The following DGLUCY variants were observed in gnomAD, a reference collection of about 807,000 sequenced individuals.
DGLUCY encodes the protein D-glutamate cyclase, mitochondrial.
DGLUCY carries 58 observed loss-of-function variants against 58.5 expected under a neutral mutation model. That is an observed-to-expected ratio of 0.99 (90% CI 0.80 to 1.23). DGLUCY has a LOEUF of 1.23. Ranked by LOEUF, DGLUCY falls within the 50% of genes most tolerant of loss-of-function variation. The pLI is 0.00. For synonymous variants in DGLUCY, 325 were observed against 314.1 expected (o/e 1.03, Z -0.37); for missense variants, 779 against 784.7 (o/e 0.99, Z 0.09).
At chr14:91,074,294 CAA>C (rs55872945) in intron 1 of DGLUCY, among the ~76,000 whole-genome samples, 2,625 of 103,156 alleles carry the variant, frequency 0.025, 72 homozygotes, top group African/African-American at 0.076. Flanking sequence ...TACCCTGTCT[CAA>C]AAAAAAAAAA....
intron 11 of DGLUCY, among the ~76,000 whole-genome samples, chr14:91,201,471 G>C (rs2050557727): frequency 6.6e-6 from 1 of 151,996 alleles, no homozygotes; most frequent in South Asian, 2.1e-4. Flanking sequence ...GCTAATTTTT[G>C]TATTTTTAGT....
At chr14:91,131,160 G>A (rs952373604) in intron 1 of DGLUCY, among the ~76,000 whole-genome samples, 4 of 152,168 alleles carry the variant, frequency 2.6e-5, no homozygotes, top group African/African-American at 9.7e-5. Flanking sequence ...ATGTTGGCCA[G>A]GCTGGTCTGG....
At chr14:91,224,069 G>A (rs1449718067) in intron 13 of DGLUCY, among the ~76,000 whole-genome samples, 1 of 152,206 alleles carries the variant, frequency 6.6e-6, no homozygotes, top group Non-Finnish European at 1.5e-5. Flanking sequence ...GGCAACAGCA[G>A]CAGGATTTGA....
intron 9 of DGLUCY, 135 bp from the exon 10 acceptor site, chr14:91,196,240 C>G: frequency 2.9e-6 from 2 of 680,802 alleles, no homozygotes; most frequent in Non-Finnish European, 5.1e-6. Flanking sequence ...CCTCGGCTTA[C>G]CTAACATGTT....
At chr14:91,061,766 T>C (rs1235664174) in intron 1 of DGLUCY, among the ~76,000 whole-genome samples, 1 of 151,950 alleles carries the variant, frequency 6.6e-6, no homozygotes, top group East Asian at 1.9e-4. Flanking sequence ...CAAGGTGAGG[T>C]GTGGTAAGAT....
At chr14:91,165,898 T>C (rs1373866534) in intron 3 of DGLUCY, among the ~76,000 whole-genome samples, 1 of 152,224 alleles carries the variant, frequency 6.6e-6, no homozygotes, top group East Asian at 1.9e-4. Flanking sequence ...CATTAAAATG[T>C]TCATGGCAGC....
intron 1 of DGLUCY, among the ~76,000 whole-genome samples, chr14:91,062,558 A>AAAAT (rs1555386902): frequency 2.9e-3 from 68 of 23,676 alleles, no homozygotes; most frequent in African/African-American, 3.7e-3. Context: ...AAAAAAAAAA[A>AAAAT]ATATATATAT....
chr14:91,108,526 T>TGTGTGTGAGAGAGAGAGAGAGAGA (rs1265665234), intron 1 of DGLUCY, among the ~76,000 whole-genome samples: 14 of 52,170 alleles, frequency 2.7e-4, no homozygotes, highest in Admixed American at 1.1e-3. Flanking sequence ...TGTGTGTGTG[T>TGTGTGTGAGAGAGAGAGAGAGAGA]GAGAGAGAGA....
chr14:91,224,086 C>T (rs1341308449), intron 13 of DGLUCY, among the ~76,000 whole-genome samples: 2 of 152,198 alleles, frequency 1.3e-5, no homozygotes, highest in African/African-American at 2.4e-5. Flanking sequence ...TTGACACATG[C>T]CCCACATTAG....
intron 1 of DGLUCY, among the ~76,000 whole-genome samples, chr14:91,142,841 AC>A (rs748296580): frequency 0.066 from 145 of 2,210 alleles, 1 homozygote; most frequent in African/African-American, 0.12. Flanking sequence ...TCTCTACTAA[AC>A]ACACACACAC....
intron 4 of DGLUCY, among the ~76,000 whole-genome samples, chr14:91,169,086 C>CA (rs955195281): frequency 4.2e-4 from 61 of 143,682 alleles, no homozygotes; most frequent in East Asian, 3.8e-3. Flanking sequence ...GACTCTGTCT[C>CA]AAAAAAAAAA....
chr14:91,131,950 C>T (rs1383592081), intron 1 of DGLUCY, among the ~76,000 whole-genome samples: 1 of 152,130 alleles, frequency 6.6e-6, no homozygotes, highest in Non-Finnish European at 1.5e-5. Context: ...TGTGCCACCA[C>T]ACCCAGCTAA....
intron 5 of DGLUCY, among the ~76,000 whole-genome samples, chr14:91,172,127 G>T (rs933314592): frequency 6.6e-6 from 1 of 152,040 alleles, no homozygotes; most frequent in African/African-American, 2.4e-5. Flanking sequence ...GAGTGGTGCA[G>T]TGGCACAGTC....
chr14:91,097,423 G>T (rs2140076538), intron 1 of DGLUCY, among the ~76,000 whole-genome samples: 1 of 152,206 alleles, frequency 6.6e-6, no homozygotes, highest in South Asian at 2.1e-4. Flanking sequence ...AAAAAGCAAA[G>T]AAAATGTTTT....
chr14:91,120,501 T>C (rs1301110337), intron 1 of DGLUCY, among the ~76,000 whole-genome samples: 1 of 152,148 alleles, frequency 6.6e-6, no homozygotes, highest in Non-Finnish European at 1.5e-5. Context: ...AGCCTCTACC[T>C]CCTGGGTCCA....
chr14:91,121,663 C>A (rs2045374212), intron 1 of DGLUCY, among the ~76,000 whole-genome samples: 1 of 150,348 alleles, frequency 6.7e-6, no homozygotes, highest in Admixed American at 6.6e-5. Flanking sequence ...ATTTCAAGAA[C>A]AAACTCAACT....
At chr14:91,132,300 C>A (rs991241013) in intron 1 of DGLUCY, among the ~76,000 whole-genome samples, 12 of 152,070 alleles carry the variant, frequency 7.9e-5, no homozygotes, top group African/African-American at 2.9e-4. Flanking sequence ...TGTGGTACCT[C>A]ACTCCTATAA....
At chr14:91,174,808 T>A (rs2048767686) in intron 6 of DGLUCY, among the ~76,000 whole-genome samples, 1 of 152,174 alleles carries the variant, frequency 6.6e-6, no homozygotes, top group African/African-American at 2.4e-5. Flanking sequence ...CCTTGGGGAC[T>A]GAGCCCTCAA....
intron 1 of DGLUCY, among the ~76,000 whole-genome samples, chr14:91,090,322 G>C (rs911498633): frequency 1.3e-5 from 2 of 152,156 alleles, no homozygotes; most frequent in African/African-American, 2.4e-5. Flanking sequence ...GCCAGAAAAA[G>C]GAGCGGTGAG....
Sources: gnomAD v4.1 joint callset for allele counts (sites outside exome capture counted in the v4.1 genomes callset) on GRCh38, gnomAD v4.1.1 for gene constraint, MANE v1.5 for transcripts, NCBI Gene and HGNC (gene_info 2026-07-23, HGNC 2026-07-21) for gene names.